Variants in PKD1L1 observed in about 807,000 individuals in gnomAD.
PKD1L1 encodes the protein polycystin-1-like protein 1.
A neutral mutation model predicts 323.4 loss-of-function variants in PKD1L1; 236 were observed. The observed-to-expected ratio is 0.73, with a 90% CI of 0.66 to 0.81. PKD1L1 has a LOEUF of 0.81. Among genes scored for constraint, PKD1L1 ranks in the 40% least tolerant of loss-of-function variants. The probability of loss-of-function intolerance (pLI) is 0.00; values close to 1 mark genes in which losing one functional copy is unlikely to be tolerated. For missense variants in PKD1L1, 3,320 were observed against 3,508.0 expected (o/e 0.95, Z 1.35); for synonymous variants, 1,344 against 1,335.0 (o/e 1.01, Z -0.15).
At chr7:47,872,795 T>C (rs1362667317) in intron 24 of PKD1L1, among the ~76,000 whole-genome samples, 1 of 152,244 alleles carries the variant, frequency 6.6e-6, no homozygotes, top group Admixed American at 6.5e-5. Flanking sequence ...CATAGGACAC[T>C]GTTTCCATTC....
At chr7:47,805,665 G>A (rs1784761028) in intron 52 of PKD1L1, among the ~76,000 whole-genome samples, 2 of 152,240 alleles carry the variant, frequency 1.3e-5, no homozygotes, top group African/African-American at 4.8e-5. Flanking sequence ...TCCTGGGTCA[G>A]GACAATGTGG....
At chr7:47,792,204 C>A (rs766957765) in intron 56 of PKD1L1, among the ~76,000 whole-genome samples, 22 of 152,166 alleles carry the variant, frequency 1.4e-4, no homozygotes, top group Non-Finnish European at 2.6e-4. Flanking sequence ...TTGGAGAATT[C>A]TGTGTGCTCT....
intron 3 of PKD1L1, among the ~76,000 whole-genome samples, chr7:47,939,280 G>A (rs1056075879): frequency 6.6e-6 from 1 of 152,176 alleles, no homozygotes; most frequent in Admixed American, 6.5e-5. Flanking sequence ...GATGTGCTAC[G>A]GAGGGGGTGG....
chr7:47,842,209 T>C (rs916483775), intron 34 of PKD1L1, among the ~76,000 whole-genome samples: 2 of 152,208 alleles, frequency 1.3e-5, no homozygotes, highest in Admixed American at 1.3e-4. Context: ...AATTTAAATA[T>C]ACAGTTGGTA....
Position 47,843,102 on chromosome 7 carries a change from C to G in PKD1L1, c.5305G>C (p.Ala1769Pro), listed in dbSNP as rs201316867. 1 of 1,613,560 alleles carries G rather than the reference C, an allele frequency of 6.2e-7. No individual in the cohort carries two copies. The highest frequency in any genetic ancestry group is 1.3e-5 in the African/African-American group (1 of 74,910). ...GSVILYGFLV[A>P]KSRQVDHHEK... ...TGATGATCTACTTGTCTACTTTTAG[C>G]GACCAAAAATCCATAAAGAATCACA... Residue 1769 changes from alanine (A) to proline (P), a missense_variant, in exon 34 of 57, where the codon GCT becomes CCT. Ala to Pro is a conservative substitution (Grantham distance 27). Transcript: ENST00000289672.
chr7:47,931,498 G>A (rs571900997), intron 5 of PKD1L1, among the ~76,000 whole-genome samples, 177 bp from the exon 6 acceptor site: 2 of 152,342 alleles, frequency 1.3e-5, no homozygotes, highest in South Asian at 2.1e-4. Flanking sequence ...GTTGTGAGTG[G>A]TAGGATTCAC....
chr7:47,944,051 A>G (rs868231229), intron 1 of PKD1L1, among the ~76,000 whole-genome samples: 1 of 152,214 alleles, frequency 6.6e-6, no homozygotes, highest in African/African-American at 2.4e-5. Flanking sequence ...TTATTTCCAC[A>G]ACAGACTTGA....
intron 49 of PKD1L1, 46 bp downstream of exon 49, chr7:47,813,075 G>T: frequency 6.3e-7 from 1 of 1,580,876 alleles, no homozygotes. Flanking sequence ...GAGCTGGAGT[G>T]GCGGTGGCAG....
At position 47,796,122 on chromosome 7, in the gene PKD1L1, T is replaced by G. The variant is rs567473804; in HGVS notation, c.8222A>C (p.Gln2741Pro). 1.2e-6 allele frequency: 2 copies of G among 1,606,778 alleles called. No individual in the cohort carries two copies. The highest frequency in any genetic ancestry group is 2.2e-5 in the East Asian group (1 of 44,834). Residue 2741 changes from glutamine (Q) to proline (P), a missense_variant, in exon 55 of 57, where the codon CAA becomes CCA. Physicochemically the swap from Gln to Pro is moderately conservative, Grantham distance 76. Transcript: ENST00000289672. ...TTTACTTTGAAAAGATTTTCTTTTT[T>G]GGGGTAAAGTCATGAGAAAACCTCT... ...MLRGFLMTLP[Q>P]KRKSFQSKSF...
chr7:47,904,349 G>C (rs778286249), intron 12 of PKD1L1, 29 bp downstream of exon 12: 1 of 1,613,398 alleles, frequency 6.2e-7, no homozygotes, highest in South Asian at 1.1e-5. Context: ...TGTCTGTAGA[G>C]AGCACTCCGC....
intron 28 of PKD1L1, 24 bp downstream of exon 28, chr7:47,857,581 G>C: frequency 6.3e-7 from 1 of 1,587,810 alleles, no homozygotes; most frequent in East Asian, 2.2e-5. Flanking sequence ...CATTAGAAGT[G>C]GCAGGTCATC....
At chr7:47,914,215 C>A (rs150882143) in intron 8 of PKD1L1, among the ~76,000 whole-genome samples, 1 of 152,100 alleles carries the variant, frequency 6.6e-6, no homozygotes, top group African/African-American at 2.4e-5. Context: ...GATGAACATA[C>A]AAAAGAAAGA....
chr7:47,809,646 C>T, intron 50 of PKD1L1, 69 bp from the exon 51 acceptor site: 1 of 1,153,776 alleles, frequency 8.7e-7, no homozygotes, highest in Non-Finnish European at 1.2e-6. Flanking sequence ...AAGGTCTAAA[C>T]ATGTGACCAG....
chr7:47,913,020 C>G (rs1045400913), intron 8 of PKD1L1, among the ~76,000 whole-genome samples: 1 of 151,782 alleles, frequency 6.6e-6, no homozygotes, highest in Non-Finnish European at 1.5e-5. Context: ...CTGCAGTGGG[C>G]CTGAGAGTCT....
chr7:47,878,216 A>G (rs184416266), intron 21 of PKD1L1, among the ~76,000 whole-genome samples: 1 of 152,354 alleles, frequency 6.6e-6, no homozygotes, highest in African/African-American at 2.4e-5. Flanking sequence ...TAGAGCATCC[A>G]AAATCATTGT....
At chr7:47,829,745 GC>G in intron 43 of PKD1L1, 144 bp from the exon 44 acceptor site, 3 of 916,862 alleles carry the variant, frequency 3.3e-6, no homozygotes, top group Non-Finnish European at 4.9e-6. Flanking sequence ...TGGATTCCCA[GC>G]CCAACTACTC....
At chr7:47,886,172 A>T (rs77696963) in intron 17 of PKD1L1, 118 bp from the exon 18 acceptor site, 19,815 of 1,337,486 alleles carry the variant, frequency 0.015, 674 homozygotes, top group African/African-American at 0.13. Flanking sequence ...GTGAATTTGA[A>T]AACCTACACT....
At chr7:47,923,530 A>G (rs1178560095) in intron 7 of PKD1L1, among the ~76,000 whole-genome samples, 1 of 151,882 alleles carries the variant, frequency 6.6e-6, no homozygotes, top group Non-Finnish European at 1.5e-5. Flanking sequence ...CCAATAACCT[A>G]TGGAAATAAA....
intron 44 of PKD1L1, among the ~76,000 whole-genome samples, chr7:47,828,552 G>A (rs930434820): frequency 3.3e-5 from 5 of 152,148 alleles, no homozygotes; most frequent in African/African-American, 7.2e-5. Flanking sequence ...GGGTCTAATT[G>A]CTTCACCTCA....
Sources: allele counts gnomAD v4.1 joint callset (sites outside exome capture counted in the v4.1 genomes callset), GRCh38; gene constraint gnomAD v4.1.1; transcripts MANE v1.5; gene names NCBI Gene and HGNC (gene_info 2026-07-23, HGNC 2026-07-21).